Variants in SEMA6A observed in about 807,000 individuals in gnomAD.
The protein encoded by SEMA6A is semaphorin 6A.
In SEMA6A, 25 loss-of-function variants were observed where a neutral mutation model predicts 96.8. The ratio of observed to expected loss-of-function variants is 0.26; its 90% CI spans 0.19 to 0.36. SEMA6A has a LOEUF of 0.36. Among genes scored for constraint, SEMA6A ranks in the 10% least tolerant of loss-of-function variants. The pLI is 1.00. For missense variants in SEMA6A, 1,363 were observed against 1,323.1 expected (o/e 1.03, Z -0.47); for synonymous variants, 612 against 518.0 (o/e 1.18, Z -2.46).
At chr5:116,452,325 C>T (rs1754689096) in intron 18 of SEMA6A, among the ~76,000 whole-genome samples, 1 of 152,150 alleles carries the variant, frequency 6.6e-6, no homozygotes, top group South Asian at 2.1e-4. Context: ...GTCTTTCCAC[C>T]TTCCTATTGC....
chr5:116,471,640 T>G (rs1756153547), intron 17 of SEMA6A: 1 of 152,182 alleles, frequency 6.6e-6, no homozygotes, highest in Non-Finnish European at 1.5e-5. Flanking sequence ...AACATTAAAG[T>G]TGGATGAATT....
intron 18 of SEMA6A, among the ~76,000 whole-genome samples, chr5:116,466,061 A>T (rs1299866763): frequency 1.5e-4 from 2 of 13,460 alleles, no homozygotes; most frequent in Non-Finnish European, 6.5e-4. Flanking sequence ...AACCAGCTTA[A>T]AAAAAAAAAA....
chr5:116,562,644 G>T (rs983115627), intron 1 of SEMA6A: 7 of 697,008 alleles, frequency 1.0e-5, no homozygotes, highest in Non-Finnish European at 1.4e-5. Context: ...AACATATTTG[G>T]TGTCCGCCAT....
At chr5:116,511,831 G>A (rs1005405264) in intron 1 of SEMA6A, among the ~76,000 whole-genome samples, 6 of 152,180 alleles carry the variant, frequency 3.9e-5, no homozygotes, top group African/African-American at 9.7e-5. Context: ...TCCCTCAACC[G>A]TGATGTTTTA....
Position 116,466,142 on chromosome 5 carries a change from G to A in SEMA6A, c.1894+1441C>T, listed in dbSNP as rs1176251641. On this transcript the variant is annotated intron_variant, in intron 18 of 18. Coordinates refer to ENST00000343348, the MANE Select transcript of SEMA6A (RefSeq NM_020796.5). ...TCCCAGCACTTTGGGAAGCCGAGGC[G>A]GGTGGATCACCTGAGGTCAGGAGTT... 4.0e-5 allele frequency among the ~76,000 whole-genome samples: 6 copies of A among 151,446 alleles called. No individual in the cohort carries two copies. In the East Asian group the frequency reaches 7.7e-4, roughly 20 times the overall value.
At chr5:116,456,495 T>TA (rs1232795502) in intron 18 of SEMA6A, among the ~76,000 whole-genome samples, 7 of 152,210 alleles carry the variant, frequency 4.6e-5, no homozygotes, top group Non-Finnish European at 7.3e-5. Context: ...CACTTTCCCT[T>TA]AGTATCTGTC....
chr5:116,455,406 G>T (rs1361023234), intron 18 of SEMA6A, among the ~76,000 whole-genome samples: 1 of 152,142 alleles, frequency 6.6e-6, no homozygotes, highest in Non-Finnish European at 1.5e-5. Flanking sequence ...AGTCTGCAAG[G>T]CGTATTTTCC....
At chr5:116,538,665 T>C in intron 1 of SEMA6A, among the ~76,000 whole-genome samples, 1 of 152,216 alleles carries the variant, frequency 6.6e-6, no homozygotes, top group East Asian at 1.9e-4. Flanking sequence ...TAGAATGTAC[T>C]TCTTAGTAGC....
chr5:116,480,818 T>A (rs1311333365), intron 11 of SEMA6A, among the ~76,000 whole-genome samples: 1 of 152,174 alleles, frequency 6.6e-6, no homozygotes, highest in Non-Finnish European at 1.5e-5. Flanking sequence ...TTGTTTTTAT[T>A]TTTGTTTGAT....
intron 1 of SEMA6A, among the ~76,000 whole-genome samples, chr5:116,547,787 G>A (rs78462679): frequency 3.5e-5 from 5 of 142,046 alleles, no homozygotes; most frequent in African/African-American, 7.8e-5. Flanking sequence ...GTCAACACCC[G>A]TGAATGTAAA....
At position 116,467,766 on chromosome 5, in the gene SEMA6A, C is replaced by A; in HGVS notation, c.1730-19G>T. On this transcript the variant is annotated intron_variant, in intron 17 of 18. Coordinates refer to ENST00000343348, the MANE Select transcript of SEMA6A (RefSeq NM_020796.5). ...GAATGCCCTGTTTTCATCACAAATA[C>A]AGTTAGGAAAACATCACCAGAGAGA... is the stretch of plus-strand genomic sequence containing the variant. The A allele has an allele frequency of 6.2e-7, 1 of 1,612,642 alleles. No individual in the cohort carries two copies. The highest frequency in any genetic ancestry group is 8.5e-7 in the Non-Finnish European group (1 of 1,179,300).
At chr5:116,465,188 C>T (rs1202547984) in intron 18 of SEMA6A, among the ~76,000 whole-genome samples, 1 of 152,034 alleles carries the variant, frequency 6.6e-6, no homozygotes, top group Non-Finnish European at 1.5e-5. Context: ...TGAAAAGAAG[C>T]GAGGGCATCA....
In SEMA6A at chr5:116,456,807, G is replaced by T. The variant is rs575860938; in HGVS notation, c.1895-8996C>A. 8.7e-4 allele frequency among the ~76,000 whole-genome samples: 132 copies of T among 152,218 alleles called. 1 individual carries two copies. Among genetic ancestry groups the T allele is most frequent in the Non-Finnish European group, 9.4e-4 (64 of 68,006 alleles). Reference sequence around the variant, plus strand: ...TTGGACAGAGTGGCTTCCTTTAAAGGCCTGCATCTAATATCATCTCAAAAC... The same window carrying T: ...TTGGACAGAGTGGCTTCCTTTAAAGTCCTGCATCTAATATCATCTCAAAAC... On this transcript the variant is annotated intron_variant, in intron 18 of 18. Transcript: ENST00000343348.
chr5:116,462,096 GC>G (rs1358809860), intron 18 of SEMA6A, among the ~76,000 whole-genome samples: 1 of 152,112 alleles, frequency 6.6e-6, no homozygotes. Context: ...CTTGATAGGA[GC>G]CAAAAAATTA....
intron 17 of SEMA6A, chr5:116,469,141 T>C (rs1755948753): frequency 6.6e-6 from 1 of 152,214 alleles, no homozygotes; most frequent in African/African-American, 2.4e-5. Context: ...CACACTTAAA[T>C]GCTGCCACAA....
chr5:116,520,929 ACTCT>A (rs1020945144), intron 1 of SEMA6A, among the ~76,000 whole-genome samples: 16 of 152,168 alleles, frequency 1.1e-4, no homozygotes, highest in African/African-American at 3.9e-4. Context: ...GTGGACTCAA[ACTCT>A]TGCTGGCAGC....
chr5:116,465,348 A>G (rs1755662651), intron 18 of SEMA6A, among the ~76,000 whole-genome samples: 1 of 152,240 alleles, frequency 6.6e-6, no homozygotes. Flanking sequence ...ACAAAAAACA[A>G]TTTGGAGCAA....
At chr5:116,549,705 T>A (rs1760321057) in intron 1 of SEMA6A, among the ~76,000 whole-genome samples, 1 of 152,192 alleles carries the variant, frequency 6.6e-6, no homozygotes. Flanking sequence ...ACTTTTCTGG[T>A]GACAACAGGA....
intron 10 of SEMA6A, among the ~76,000 whole-genome samples, chr5:116,485,342 C>T (rs1018361107): frequency 1.3e-5 from 2 of 152,156 alleles, no homozygotes; most frequent in African/African-American, 4.8e-5. Flanking sequence ...ATTCCGGTAG[C>T]CCCTGCATTT....
Sources: allele counts gnomAD v4.1 joint callset (sites outside exome capture counted in the v4.1 genomes callset), GRCh38; gene constraint gnomAD v4.1.1; transcripts MANE v1.5; gene names NCBI Gene and HGNC (gene_info 2026-07-23, HGNC 2026-07-21).